IL17RD: variants seen among roughly 807,000 people sequenced by gnomAD.
IL17RD encodes the protein interleukin 17 receptor D, also known as interleukin-17 receptor D.
Under a neutral mutation model 80.5 loss-of-function variants are expected in IL17RD, and 52 were observed. That is an observed-to-expected ratio of 0.65 (90% confidence interval 0.52 to 0.81). The LOEUF is 0.81. Among genes scored for constraint, IL17RD ranks in the 40% least tolerant of loss-of-function variants. The pLI is 0.00. For missense variants in IL17RD, 1,024 were observed against 955.1 expected (o/e 1.07, Z -0.95); for synonymous variants, 416 against 391.8 (o/e 1.06, Z -0.73).
At chr3:57,154,283 T>TACACACACACACAC (rs1553628627) in intron 1 of IL17RD, among the ~76,000 whole-genome samples, 9 of 112,910 alleles carry the variant, frequency 8.0e-5, no homozygotes, top group South Asian at 6.8e-4. Flanking sequence ...TATATATATA[T>TACACACACACACAC]ACACACACAC....
chr3:57,110,998 T>TC (rs1301529338), intron 3 of IL17RD, among the ~76,000 whole-genome samples: 1 of 151,446 alleles, frequency 6.6e-6, no homozygotes, highest in Non-Finnish European at 1.5e-5. Context: ...CCACCTGAGC[T>TC]CCCCCCACTG....
intron 1 of IL17RD, among the ~76,000 whole-genome samples, chr3:57,161,822 G>C (rs1013751521): frequency 2.6e-5 from 4 of 152,176 alleles, no homozygotes; most frequent in African/African-American, 9.6e-5. Context: ...AGAAGCAAGA[G>C]CCAGTGTAAA....
chr3:57,154,425 C>G (rs2060254461), intron 1 of IL17RD, among the ~76,000 whole-genome samples: 1 of 151,862 alleles, frequency 6.6e-6, no homozygotes. Context: ...GCCTGCTGCC[C>G]CCATTATCTA....
At chr3:57,102,442 C>T (rs1706854415) in intron 10 of IL17RD, 37 bp downstream of exon 10, 1 of 1,229,274 alleles carries the variant, frequency 8.1e-7, no homozygotes, top group Non-Finnish European at 1.1e-6. Context: ...CCTGGCCTGC[C>T]CCTTGTTGTG....
intron 1 of IL17RD, 34 bp downstream of exon 1, chr3:57,165,127 G>A (rs759176788): frequency 6.0e-6 from 9 of 1,498,338 alleles, no homozygotes; most frequent in South Asian, 2.5e-5. Flanking sequence ...CCCGCGAGTT[G>A]GCGACGGCAA....
chr3:57,107,441 C>T (rs925179749), intron 5 of IL17RD, among the ~76,000 whole-genome samples: 5 of 151,952 alleles, frequency 3.3e-5, no homozygotes, highest in African/African-American at 1.2e-4. Context: ...AAAACAACCA[C>T]AATAAGAATT....
Position 57,165,315 on chromosome 3 carries a change from C to G in IL17RD, c.-29G>C. On this transcript the variant is annotated 5_prime_UTR_variant, in exon 1 of 13. Coordinates refer to ENST00000296318, the MANE Select transcript of IL17RD (RefSeq NM_017563.5). ...CGTGCGCTCGCCCAGCCAGGCCGTT[C>G]TCTGCGCCCCGGCCGCCCGCCGCTG... 1 of 1,345,234 alleles carries G rather than the reference C, an allele frequency of 7.4e-7. No individual in the cohort carries two copies. The highest frequency in any genetic ancestry group is 9.6e-7 in the Non-Finnish European group (1 of 1,044,152). 83.3% of individuals were successfully genotyped at this position (1,345,234 alleles called of 1,614,324 possible).
chr3:57,102,990 C>A (rs1272965195), intron 9 of IL17RD, 101 bp downstream of exon 9: 2 of 781,022 alleles, frequency 2.6e-6, no homozygotes, highest in Non-Finnish European at 4.2e-6. Context: ...GAGAGAGGAG[C>A]CAAATTTTGT....
At chr3:57,145,803 C>G in intron 1 of IL17RD, among the ~76,000 whole-genome samples, 1 of 152,198 alleles carries the variant, frequency 6.6e-6, no homozygotes, top group Non-Finnish European at 1.5e-5. Context: ...AAACTGACAG[C>G]CTTATGGGTC....
chr3:57,129,058 C>A (rs1197994910), intron 1 of IL17RD, among the ~76,000 whole-genome samples: 1 of 152,174 alleles, frequency 6.6e-6, no homozygotes, highest in Admixed American at 6.5e-5. Context: ...GCTTCGCACA[C>A]CACTCCCATC....
rs568322210 is a variant in IL17RD, at chr3:57,152,514, G to A, written c.126+12647C>T. 1.1e-4 allele frequency among the ~76,000 whole-genome samples: 17 copies of A among 152,304 alleles called. No individual in the cohort carries two copies. In the South Asian group the frequency reaches 2.9e-3, roughly 26 times the overall value. ...ACGCCCGGCACACAGGCCTGCCTGC[G>A]CCCTCGTAGTCTCTCTGGACTTATG... On this transcript the variant is annotated intron_variant, in intron 1 of 12. Coordinates refer to ENST00000296318, the MANE Select transcript of IL17RD (RefSeq NM_017563.5).
At chr3:57,169,963 C>T (rs746508271), upstream of IL17RD, among the ~76,000 whole-genome samples, 1 of 152,178 alleles carries the variant, frequency 6.6e-6, no homozygotes, top group Admixed American at 6.5e-5. Flanking sequence ...GAAGTCTGCT[C>T]GCGGTCACAG....
Position 57,096,104 on chromosome 3 carries a change from T to C in IL17RD, c.*289A>G. On this transcript the variant is annotated 3_prime_UTR_variant, in exon 13 of 13. Transcript: ENST00000296318. The stretch of plus-strand genomic sequence containing the variant: ...TGTTTTTCTTTACATATTTCCTCCC[T>C]ACCTCCCACAACAGGCTCTGATCCA... 2.7e-6 allele frequency: 1 copy of C among 370,330 alleles called. No homozygotes were observed. Among genetic ancestry groups the C allele is most frequent in the Non-Finnish European group, 5.0e-6 (1 of 201,382 alleles). 22.9% of individuals were successfully genotyped at this position (370,330 alleles called of 1,614,324 possible).
rs888098309 is a variant in IL17RD at position 57,091,679 on chromosome 3, G to C, written c.*4714C>G. ...CTTCACTGTGGTTTTTGAATACATGGAAGGTGACCAGCTGTTCTTTCTCCA... is the reference window on the plus strand; with the variant it reads ...CTTCACTGTGGTTTTTGAATACATGCAAGGTGACCAGCTGTTCTTTCTCCA... On this transcript the variant is annotated 3_prime_UTR_variant, in exon 13 of 13. Transcript: ENST00000296318. The C allele has an allele frequency of 1.3e-5, 2 of 152,540 alleles. No individual in the cohort carries two copies. The highest frequency in any genetic ancestry group is 2.1e-4 in the South Asian group (1 of 4,824). 9.4% of individuals were successfully genotyped at this position (152,540 alleles called of 1,614,324 possible). A position where few individuals can be genotyped will look rare whatever the true frequency, so the allele number is the denominator to read the frequency against.
chr3:57,169,088 G>C (rs1450891662), upstream of IL17RD: 2 of 384,186 alleles, frequency 5.2e-6, no homozygotes, highest in Non-Finnish European at 1.0e-5. Context: ...TCTCTGTCCT[G>C]GAAGCTGAGC....
At chr3:57,110,075 T>C in intron 4 of IL17RD, 118 bp downstream of exon 4, 3 of 1,177,814 alleles carry the variant, frequency 2.5e-6, no homozygotes, top group Non-Finnish European at 3.6e-6. Flanking sequence ...CTTGCCCACC[T>C]TGGCGGGTGG....
intron 1 of IL17RD, chr3:57,150,343 CAG>C (rs1310526577): frequency 1.3e-5 from 2 of 152,314 alleles, no homozygotes; most frequent in African/African-American, 2.4e-5. Context: ...CCATCTGAGA[CAG>C]GGTGCTTGGA....
intron 1 of IL17RD, among the ~76,000 whole-genome samples, chr3:57,153,549 G>T (rs2060244129): frequency 6.6e-6 from 1 of 152,316 alleles, no homozygotes; most frequent in South Asian, 2.1e-4. Context: ...ACCCTTCTCT[G>T]CCCCCTAGAA....
At chr3:57,124,238 C>T (rs1707400849) in intron 1 of IL17RD, among the ~76,000 whole-genome samples, 1 of 152,166 alleles carries the variant, frequency 6.6e-6, no homozygotes. Context: ...CTTCTATTTT[C>T]CTTACACCTC....
Sources: allele counts gnomAD v4.1 joint callset (sites outside exome capture counted in the v4.1 genomes callset), GRCh38; gene constraint gnomAD v4.1.1; transcripts MANE v1.5; gene names NCBI Gene and HGNC (gene_info 2026-07-23, HGNC 2026-07-21).